The following PARL variants were observed in gnomAD, a reference collection of about 807,000 sequenced individuals.
The protein encoded by PARL is presenilin associated rhomboid like.
Under a neutral mutation model 51.6 loss-of-function variants are expected in PARL, and 44 were observed. The ratio of observed to expected loss-of-function variants is 0.85; its 90% confidence interval spans 0.67 to 1.10. The LOEUF (loss-of-function observed/expected upper bound fraction) is 1.10, where lower values mean the gene tolerates loss of function less well. Among genes scored for constraint, PARL ranks in the 50% least tolerant of loss-of-function variants. The probability of loss-of-function intolerance (pLI) is 0.00; values close to 1 mark genes in which losing one functional copy is unlikely to be tolerated. For missense variants in PARL, 441 were observed against 469.5 expected, an observed-to-expected ratio of 0.94 and a Z score of 0.56; for synonymous variants, 172 against 164.0, an observed-to-expected ratio of 1.05 and a Z score of -0.37.
intron 1 of PARL, among the ~76,000 whole-genome samples, chr3:183,884,052 A>C (rs1389656680): frequency 1.3e-5 from 2 of 152,274 alleles, no homozygotes; most frequent in Non-Finnish European, 2.9e-5. Context: ...AGCCAAATGC[A>C]CATCAGATTC....
chr3:183,845,252 G>A (rs533576352), intron 4 of PARL, among the ~76,000 whole-genome samples: 39 of 152,178 alleles, frequency 2.6e-4, no homozygotes, highest in African/African-American at 9.2e-4. Context: ...TCTACATCTC[G>A]GTGTTACCTG....
At chr3:183,882,799 C>A (rs1156417595) in intron 1 of PARL, among the ~76,000 whole-genome samples, 1 of 152,160 alleles carries the variant, frequency 6.6e-6, no homozygotes, top group Non-Finnish European at 1.5e-5. Context: ...CCTAGTATCA[C>A]CACCTAGAGT....
At chr3:183,861,692 TAA>T (rs1731847163) in intron 4 of PARL, among the ~76,000 whole-genome samples, 1 of 152,188 alleles carries the variant, frequency 6.6e-6, no homozygotes, top group Non-Finnish European at 1.5e-5. Flanking sequence ...AATTAGACTT[TAA>T]GTCTAATCAA....
At chr3:183,827,746 G>C (rs1299224665), downstream of PARL, among the ~76,000 whole-genome samples, 1 of 151,846 alleles carries the variant, frequency 6.6e-6, no homozygotes, top group Non-Finnish European at 1.5e-5. Context: ...GGCCTGTGCA[G>C]GGCGGGGGGG....
chr3:183,865,064 T>C (rs901133126), intron 3 of PARL, among the ~76,000 whole-genome samples: 3 of 151,874 alleles, frequency 2.0e-5, no homozygotes, highest in South Asian at 4.2e-4. Context: ...TTCCAGCACT[T>C]TGGGAGGCCA....
intron 4 of PARL, among the ~76,000 whole-genome samples, chr3:183,857,628 A>C (rs965778046): frequency 6.6e-6 from 1 of 152,240 alleles, no homozygotes; most frequent in African/African-American, 2.4e-5. Flanking sequence ...AAAGTGCAGA[A>C]CTGGAAGTTC....
chr3:183,839,026 T>C (rs1446327385), intron 7 of PARL, among the ~76,000 whole-genome samples: 1 of 152,182 alleles, frequency 6.6e-6, no homozygotes, highest in African/African-American at 2.4e-5. Context: ...TGCTTAGCTG[T>C]TGAATGAGGT....
chr3:183,844,444 G>A (rs1378051265), intron 4 of PARL, 118 bp from the exon 5 acceptor site: 5 of 724,790 alleles, frequency 6.9e-6, no homozygotes, highest in Non-Finnish European at 1.2e-5. Flanking sequence ...ATACCTGGGG[G>A]ATAGGGGGTG....
At chr3:183,882,368 TACAC>T (rs1264756700) in intron 1 of PARL, among the ~76,000 whole-genome samples, 1 of 141,068 alleles carries the variant, frequency 7.1e-6, no homozygotes, top group Non-Finnish European at 1.5e-5. Context: ...TGCACATATA[TACAC>T]ACACATATAT....
chr3:183,834,453 T>C (rs1395315200), intron 7 of PARL, among the ~76,000 whole-genome samples: 1 of 152,120 alleles, frequency 6.6e-6, no homozygotes, highest in Admixed American at 6.5e-5. Context: ...AGAACATGGA[T>C]GAGTCTCAAA....
At chr3:183,881,112 C>G (rs1021697258) in intron 1 of PARL, among the ~76,000 whole-genome samples, 2 of 135,618 alleles carry the variant, frequency 1.5e-5, no homozygotes, top group African/African-American at 2.9e-5. Context: ...CACCGCACAG[C>G]CTTTGTGCAT....
intron 6 of PARL, 35 bp downstream of exon 6, chr3:183,842,263 A>G: frequency 6.2e-7 from 1 of 1,601,444 alleles, no homozygotes; most frequent in South Asian, 1.1e-5. Flanking sequence ...TAGAGTGCTT[A>G]TACTCTCAAA....
intron 9 of PARL, among the ~76,000 whole-genome samples, chr3:183,831,882 A>C (rs1265520574): frequency 6.6e-6 from 1 of 152,232 alleles, no homozygotes; most frequent in African/African-American, 2.4e-5. Context: ...GGATTCCTCC[A>C]CCTTTCAGAC....
intron 4 of PARL, among the ~76,000 whole-genome samples, chr3:183,850,312 G>A (rs1730410611): frequency 6.6e-6 from 1 of 152,146 alleles, no homozygotes; most frequent in Admixed American, 6.6e-5. Flanking sequence ...GACAATTCTT[G>A]GCATTGTTTG....
At chr3:183,884,501 A>G (rs1053444846) in intron 1 of PARL, among the ~76,000 whole-genome samples, 5 of 152,088 alleles carry the variant, frequency 3.3e-5, no homozygotes, top group Non-Finnish European at 7.4e-5. Context: ...GTCCTTCCCA[A>G]TGGGAAAGGA....
At position 183,877,331 on chromosome 3, in the gene PARL, G is replaced by A. The variant is rs571696140; in HGVS notation, c.125+7391C>T. ...ATGAGAAGTTGTTTCTTATGGATGA[G>A]CAAAGGAAGTGGTTTCTTGAGATGG... On this transcript the variant is annotated intron_variant, in intron 1 of 9. Transcript: ENST00000317096. Among the ~76,000 whole-genome samples, 7 of 152,356 alleles carry A rather than the reference G, an allele frequency of 4.6e-5. No individual in the cohort carries two copies. The South Asian group carries it at 1.4e-3, about 32-fold the overall frequency.
At chr3:183,827,041 G>A (rs1010648762), downstream of PARL, among the ~76,000 whole-genome samples, 3 of 152,038 alleles carry the variant, frequency 2.0e-5, no homozygotes, top group Non-Finnish European at 4.4e-5. Flanking sequence ...AGCTGGACTC[G>A]CCACCTGTTG....
chr3:183,838,038 T>TC (rs1484405959), intron 7 of PARL, among the ~76,000 whole-genome samples: 1 of 151,774 alleles, frequency 6.6e-6, no homozygotes, highest in Non-Finnish European at 1.5e-5. Context: ...TTTTTTTTTT[T>TC]TGAGATGGGG....
rs767621927 is a variant in PARL at position 183,884,788 on chromosome 3, G to T, written c.59C>A (p.Ser20Ter). The T allele has an allele frequency of 1.4e-5, 23 of 1,592,228 alleles. No individual in the cohort carries two copies. The East Asian group carries it at 4.8e-4, about 33-fold the overall frequency. ...GWGCGQAWGA[S>*]VGGRSCEELT... ...CTCCTCGCAGCTGCGGCCGCCCACCGACGCACCCCACGCCTGGCCGCAGCC... is the reference window on the plus strand; with the variant it reads ...CTCCTCGCAGCTGCGGCCGCCCACCTACGCACCCCACGCCTGGCCGCAGCC... Residue 20 changes from serine (S) to a stop codon, truncating the protein, a stop_gained, in exon 1 of 10, where the codon TCG (serine) becomes TAG (stop). Coordinates refer to ENST00000317096, the MANE Select transcript of PARL (RefSeq NM_018622.7). LOFTEE classifies it high-confidence loss of function.
Sources: allele counts gnomAD v4.1 joint callset (sites outside exome capture counted in the v4.1 genomes callset), GRCh38; gene constraint gnomAD v4.1.1; transcripts MANE v1.5; gene names NCBI Gene and HGNC (gene_info 2026-07-23, HGNC 2026-07-21).